TRPS1: variants seen among roughly 807,000 people sequenced by gnomAD.
TRPS1 encodes transcriptional repressor GATA binding 1, also known as zinc finger transcription factor Trps1.
In TRPS1, 6 loss-of-function variants were observed where a neutral mutation model predicts 101.2. The observed-to-expected ratio is 0.06, with a 90% CI of 0.03 to 0.12. TRPS1 has a LOEUF of 0.12. TRPS1 is among the 10% of genes least tolerant of loss of function. The probability of loss-of-function intolerance (pLI) is 1.00; values close to 1 mark genes in which losing one functional copy is unlikely to be tolerated. For synonymous variants in TRPS1, 578 were observed against 589.8 expected (o/e 0.98, Z 0.29); for missense variants, 1,363 against 1,567.0 (o/e 0.87, Z 2.20).
At chr8:115,663,172 G>A (rs1811845109) in intron 1 of TRPS1, among the ~76,000 whole-genome samples, 1 of 151,522 alleles carries the variant, frequency 6.6e-6, no homozygotes, top group Non-Finnish European at 1.5e-5. Context: ...TTTAATAACA[G>A]ATTGAAAAAC....
intron 5 of TRPS1, among the ~76,000 whole-genome samples, chr8:115,471,328 G>A (rs1277745995): frequency 6.6e-6 from 1 of 152,152 alleles, no homozygotes; most frequent in African/African-American, 2.4e-5. Context: ...CCAGGAAGGA[G>A]AAGTGACAAG....
intron 5 of TRPS1, among the ~76,000 whole-genome samples, chr8:115,542,429 T>C (rs1444845668): frequency 6.6e-6 from 1 of 152,138 alleles, no homozygotes; most frequent in African/African-American, 2.4e-5. Context: ...TTTAAAGCTA[T>C]TATACTAAGA....
intron 4 of TRPS1, among the ~76,000 whole-genome samples, chr8:115,592,657 A>C (rs900148576): frequency 1.3e-5 from 2 of 150,648 alleles, no homozygotes; most frequent in African/African-American, 4.9e-5. Context: ...AAAAGCCTGG[A>C]GCAATATGAA....
At chr8:115,558,860 T>C (rs1053919762) in intron 5 of TRPS1, among the ~76,000 whole-genome samples, 7 of 152,150 alleles carry the variant, frequency 4.6e-5, no homozygotes, top group Admixed American at 1.3e-4. Context: ...ATCTTTGGAA[T>C]GCTAATGTGG....
At chr8:115,431,264 A>G (rs1813312244) in intron 5 of TRPS1, among the ~76,000 whole-genome samples, 1 of 152,074 alleles carries the variant, frequency 6.6e-6, no homozygotes, top group African/African-American at 2.4e-5. Context: ...TTGAAAACTG[A>G]ATACACTTTT....
intron 5 of TRPS1, among the ~76,000 whole-genome samples, chr8:115,568,625 A>C (rs1817126740): frequency 6.6e-6 from 1 of 152,176 alleles, no homozygotes; most frequent in African/African-American, 2.4e-5. Flanking sequence ...AATATATCAG[A>C]AAATTTTTTT....
intron 5 of TRPS1, among the ~76,000 whole-genome samples, chr8:115,558,403 G>A (rs6469597): frequency 0.66 from 100,344 of 152,040 alleles, 33,840 homozygotes; most frequent in East Asian, 0.83. Flanking sequence ...ATGGCCAGTC[G>A]AGGCTTAAGC....
chr8:115,440,804 T>C (rs562499033), intron 5 of TRPS1, among the ~76,000 whole-genome samples: 38 of 152,338 alleles, frequency 2.5e-4, no homozygotes, highest in African/African-American at 9.1e-4. Context: ...GCCTGAAAGT[T>C]ACCTAGATAG....
At chr8:115,513,481 T>C (rs972069876) in intron 5 of TRPS1, among the ~76,000 whole-genome samples, 1 of 151,742 alleles carries the variant, frequency 6.6e-6, no homozygotes, top group Non-Finnish European at 1.5e-5. Context: ...GTGTGAGTTA[T>C]GTCTGTCTTA....
intron 3 of TRPS1, among the ~76,000 whole-genome samples, chr8:115,611,010 G>A (rs769070717): frequency 4.0e-5 from 6 of 151,778 alleles, no homozygotes; most frequent in Non-Finnish European, 8.8e-5. Context: ...CCAGCTACTC[G>A]GGAGGCTGAG....
intron 5 of TRPS1, among the ~76,000 whole-genome samples, chr8:115,504,802 T>A (rs1815401580): frequency 6.6e-6 from 1 of 152,194 alleles, no homozygotes; most frequent in African/African-American, 2.4e-5. Flanking sequence ...CGATTCATTC[T>A]GTAACTAGCT....
chr8:115,604,906 A>C lies in TRPS1; in HGVS notation c.1063T>G (p.Tyr355Asp). 6.2e-7 allele frequency: 1 copy of C among 1,614,072 alleles called. No homozygotes were observed. The highest frequency in any genetic ancestry group is 1.1e-5 in the South Asian group (1 of 91,078). The change falls in exon 4 of 7, where the codon TAT (tyrosine) becomes GAT (aspartate). Residue 355 changes from tyrosine to aspartate, a missense_variant. By Grantham distance (160) the Tyr-to-Asp change is radical. Around this residue, in one of 5 missense-constraint regions of TRPS1, gnomAD observed 1,020 missense variants for 1,073.0 expected, o/e 0.95. Coordinates refer to ENST00000395715, the MANE Select transcript of TRPS1 (RefSeq NM_014112.5). This position sits in a 1 kb window ranked among gnomAD's most constrained non-coding sequence, Gnocchi z 4.1. ...YFRCKFCNFTYMGNSSTELEQ... is the reference protein window; with the variant it reads ...YFRCKFCNFTDMGNSSTELEQ... Reference sequence around the variant, plus strand: ...AATTCGGTGGATGAGTTGCCCATATAAGTGAAATTGCAGAATTTACAGCGG... The same window carrying C: ...AATTCGGTGGATGAGTTGCCCATATCAGTGAAATTGCAGAATTTACAGCGG...
intron 5 of TRPS1, among the ~76,000 whole-genome samples, chr8:115,519,142 A>T (rs1320819183): frequency 6.6e-6 from 1 of 151,616 alleles, no homozygotes; most frequent in African/African-American, 2.4e-5. Context: ...TTATTAACTT[A>T]TAAGTAGTAT....
intron 5 of TRPS1, among the ~76,000 whole-genome samples, chr8:115,578,921 C>A (rs1817381629): frequency 6.6e-6 from 1 of 152,024 alleles, no homozygotes; most frequent in Non-Finnish European, 1.5e-5. Flanking sequence ...TAGAAAGTCA[C>A]CCAAGTATTT....
In TRPS1 at chr8:115,434,261, T is replaced by A. The variant is rs987237003; in HGVS notation, c.2701-15809A>T. ...GATATAATAACAATTATTAAAATAC[T>A]TGGCCTTATATTTATAGATCTGAAA... On this transcript the variant is annotated intron_variant, in intron 5 of 6. Coordinates refer to ENST00000395715, the MANE Select transcript of TRPS1 (RefSeq NM_014112.5). Among the ~76,000 whole-genome samples the A allele has an allele frequency of 4.6e-5, 7 of 152,174 alleles. No individual in the cohort carries two copies. In the East Asian group the frequency reaches 1.3e-3, roughly 29 times the overall value.
chr8:115,606,356 T>A (rs1263838067), intron 3 of TRPS1, among the ~76,000 whole-genome samples: 1 of 152,208 alleles, frequency 6.6e-6, no homozygotes, highest in African/African-American at 2.4e-5. Flanking sequence ...TGGGGCAACC[T>A]CCAAATTTAT....
intron 3 of TRPS1, 63 bp from the exon 4 acceptor site, chr8:115,605,065 G>T: frequency 6.8e-7 from 1 of 1,474,990 alleles, no homozygotes; most frequent in Non-Finnish European, 9.4e-7. Context: ...GCCCTCTGCA[G>T]GGGAGGGGGA....
At chr8:115,636,674 G>A (rs895300287) in intron 1 of TRPS1, among the ~76,000 whole-genome samples, 1 of 152,170 alleles carries the variant, frequency 6.6e-6, no homozygotes, top group African/African-American at 2.4e-5. Flanking sequence ...AACACTTTGG[G>A]AGCCTGAGGC....
intron 5 of TRPS1, among the ~76,000 whole-genome samples, chr8:115,547,202 T>C (rs1416373278): frequency 1.3e-5 from 2 of 152,188 alleles, no homozygotes; most frequent in East Asian, 3.9e-4. Context: ...ACCCATACTT[T>C]GTTAAACTGA....
Sources: allele counts gnomAD v4.1 joint callset (sites outside exome capture counted in the v4.1 genomes callset), GRCh38; gene constraint gnomAD v4.1.1; regional missense constraint gnomAD v4.1.1; non-coding constraint Gnocchi (gnomAD v3.1); transcripts MANE v1.5; gene names NCBI Gene and HGNC (gene_info 2026-07-23, HGNC 2026-07-21).